Variants in PCNX2 observed in about 807,000 individuals in gnomAD.
PCNX2 encodes the protein pecanex 2, also known as pecanex-like protein 2.
PCNX2 carries 168 observed loss-of-function variants against 223.8 expected under a neutral mutation model. The ratio of observed to expected loss-of-function variants is 0.75; its 90% confidence interval spans 0.66 to 0.85. The LOEUF is 0.85. PCNX2 is among the 40% of genes least tolerant of loss of function. The pLI is 0.00. For missense variants in PCNX2, 2,507 were observed against 2,675.5 expected (o/e 0.94, Z 1.39); for synonymous variants, 1,006 against 1,052.6 (o/e 0.96, Z 0.86).
chr1:233,179,774 T>C (rs1449160695), intron 15 of PCNX2, among the ~76,000 whole-genome samples: 3 of 152,250 alleles, frequency 2.0e-5, no homozygotes, highest in South Asian at 2.1e-4. Context: ...CTCAAGCATG[T>C]CTGGACAGGC....
chr1:233,057,952 T>A, intron 23 of PCNX2: 1 of 985,446 alleles, frequency 1.0e-6, no homozygotes, highest in Non-Finnish European at 1.2e-6. Context: ...TTCAAATTGA[T>A]TTCAGGAAAT....
chr1:233,079,101 C>G (rs191619423), intron 23 of PCNX2, among the ~76,000 whole-genome samples: 1 of 152,128 alleles, frequency 6.6e-6, no homozygotes, highest in Non-Finnish European at 1.5e-5. Flanking sequence ...GAGCTTAAAG[C>G]TCTTTTGTCT....
chr1:233,063,438 C>G (rs577798683), intron 23 of PCNX2, among the ~76,000 whole-genome samples: 5 of 152,056 alleles, frequency 3.3e-5, no homozygotes, highest in Non-Finnish European at 7.4e-5. Context: ...AAAAGTTAAC[C>G]ATACTGAAAA....
chr1:233,014,050 G>T (rs900711324), intron 28 of PCNX2, among the ~76,000 whole-genome samples: 14 of 152,334 alleles, frequency 9.2e-5, no homozygotes, highest in Middle Eastern at 3.4e-3. Context: ...TTTGGCATGA[G>T]TACTGTTTCT....
At chr1:233,013,906 A>G (rs1670560437) in intron 28 of PCNX2, among the ~76,000 whole-genome samples, 2 of 152,104 alleles carry the variant, frequency 1.3e-5, no homozygotes, top group South Asian at 4.1e-4. Context: ...GTTGAGAACC[A>G]CTCATCAAGG....
At chr1:233,290,222 G>A (rs1206870730) in intron 1 of PCNX2, among the ~76,000 whole-genome samples, 1 of 152,162 alleles carries the variant, frequency 6.6e-6, no homozygotes, top group East Asian at 1.9e-4. Context: ...CACAACCAGA[G>A]CTCCATGGCA....
At chr1:233,035,832 G>A (rs1414283026) in intron 25 of PCNX2, among the ~76,000 whole-genome samples, 1 of 152,152 alleles carries the variant, frequency 6.6e-6, no homozygotes, top group Non-Finnish European at 1.5e-5. Flanking sequence ...GCGCATTACA[G>A]GCTGGGAACA....
In PCNX2 at chr1:233,010,966, T is replaced by C. The variant is rs936299275; in HGVS notation, c.4952+3699A>G. Among the ~76,000 whole-genome samples, 20 of 152,238 alleles carry C rather than the reference T, an allele frequency of 1.3e-4. 1 individual carries two copies. The highest frequency in any genetic ancestry group is 4.6e-4 in the African/African-American group (19 of 41,474). On this transcript the variant is annotated intron_variant, in intron 28 of 33. Transcript: ENST00000258229. Reference sequence around the variant, plus strand: ...TCAAGTGAAGCATATGTTTAAGACCTGCCTGGAGAGTCAGTGTTCACCATC... The same window carrying C: ...TCAAGTGAAGCATATGTTTAAGACCCGCCTGGAGAGTCAGTGTTCACCATC...
chr1:233,325,525 A>G, the PCNX2 span, among the ~76,000 whole-genome samples: 1 of 151,828 alleles, frequency 6.6e-6, no homozygotes, highest in Non-Finnish European at 1.5e-5. Context: ...AACCAAAAAA[A>G]ATTAGCTGGG....
At position 232,991,609 on chromosome 1, in the gene PCNX2, A is replaced by T. The variant is rs1669701757; in HGVS notation, c.5792-5069T>A. ...TCATACTGGAGTAGGATGGGCCCTG[A>T]GTCCATGATGACCAGTGTCCTTATA... On this transcript the variant is annotated intron_variant, in intron 32 of 33. Transcript: ENST00000258229. The surrounding 1 kb of genome is among the most constrained non-coding windows in gnomAD (Gnocchi z 4.3). 6.6e-6 allele frequency among the ~76,000 whole-genome samples: 1 copy of T among 152,160 alleles called. No individual in the cohort carries two copies. The highest frequency in any genetic ancestry group is 1.9e-4 in the East Asian group (1 of 5,190).
intron 19 of PCNX2, among the ~76,000 whole-genome samples, chr1:233,144,105 C>T (rs899351041): frequency 9.2e-5 from 14 of 151,996 alleles, no homozygotes; most frequent in Non-Finnish European, 1.5e-4. Context: ...TGCTTGAACC[C>T]GAGAGGTTGA....
intron 25 of PCNX2, among the ~76,000 whole-genome samples, chr1:233,048,161 A>G (rs970023045): frequency 1.3e-5 from 2 of 152,214 alleles, no homozygotes; most frequent in African/African-American, 4.8e-5. Flanking sequence ...AATCCTTTTA[A>G]ATGAATAAAA....
chr1:233,156,945 C>T (rs955037197), intron 19 of PCNX2, among the ~76,000 whole-genome samples: 7 of 151,800 alleles, frequency 4.6e-5, no homozygotes, highest in Non-Finnish European at 2.9e-5. Flanking sequence ...AAACAAAAAA[C>T]GCAGAGACTT....
In PCNX2 at chr1:233,252,487, A is replaced by G. The variant is rs772183289; in HGVS notation, c.1995T>C (p.Asn665=). The G allele has an allele frequency of 1.2e-6, 2 of 1,607,162 alleles. No individual in the cohort carries two copies. The highest frequency in any genetic ancestry group is 1.7e-6 in the Non-Finnish European group (2 of 1,175,466). The change falls in exon 7 of 34, where the codon AAT becomes AAC. Residue 665 remains asparagine, a synonymous_variant. Transcript: ENST00000258229. ...CCCTGTAGATTATCTGTCTTTGTCT[A>G]TTGCCCTGAAAACTTAACACATATA... ...PAKTTAFFQG[N]RQRQIIYRVT...
At chr1:233,129,684 T>C (rs138953578) in intron 21 of PCNX2, among the ~76,000 whole-genome samples, 1,908 of 152,246 alleles carry the variant, frequency 0.013, 20 homozygotes, top group Non-Finnish European at 0.02. Context: ...GATGCACCAA[T>C]GGGCACTCAG....
chr1:233,263,880 A>G (rs1370826797), intron 1 of PCNX2, among the ~76,000 whole-genome samples: 1 of 152,204 alleles, frequency 6.6e-6, no homozygotes, highest in African/African-American at 2.4e-5. Context: ...GGAGAACAGA[A>G]GGAAAAAGAA....
intron 1 of PCNX2, among the ~76,000 whole-genome samples, chr1:233,272,294 G>GAA (rs35023237): frequency 8.3e-6 from 1 of 120,484 alleles, no homozygotes; most frequent in Non-Finnish European, 1.7e-5. Context: ...CAATTAGCAA[G>GAA]AAAAAAAAAA....
At chr1:233,119,403 CAAAAAAAAA>C (rs71173251) in intron 21 of PCNX2, among the ~76,000 whole-genome samples, 182 of 38,624 alleles carry the variant, frequency 4.7e-3, no homozygotes, top group African/African-American at 0.018. Context: ...ACTAAAAATA[CAAAAAAAAA>C]AAAAAAAAAA....
chr1:233,238,705 A>AT (rs1280035638), intron 8 of PCNX2, among the ~76,000 whole-genome samples: 1 of 151,810 alleles, frequency 6.6e-6, no homozygotes, highest in Non-Finnish European at 1.5e-5. Context: ...AAAAAAAAAA[A>AT]AAAGCAACTT....
Sources: allele counts gnomAD v4.1 joint callset (sites outside exome capture counted in the v4.1 genomes callset), GRCh38; gene constraint gnomAD v4.1.1; non-coding constraint Gnocchi (gnomAD v3.1); transcripts MANE v1.5; gene names NCBI Gene and HGNC (gene_info 2026-07-23, HGNC 2026-07-21).